VEPH1: variants seen among roughly 807,000 people sequenced by gnomAD.
VEPH1 encodes ventricular zone-expressed PH domain-containing protein homolog 1.
A neutral mutation model predicts 85.2 loss-of-function variants in VEPH1; 80 were observed. The observed-to-expected ratio is 0.94, with a 90% CI of 0.78 to 1.13. VEPH1 has a LOEUF of 1.13. Among genes scored for constraint, VEPH1 ranks in the 50% most tolerant of loss-of-function variants. The pLI is 0.00. For missense variants in VEPH1, 955 were observed against 980.5 expected, an observed-to-expected ratio of 0.97 and a Z score of 0.35; for synonymous variants, 297 against 348.0, an observed-to-expected ratio of 0.85 and a Z score of 1.63.
In VEPH1 at chr3:157,413,863, GA is replaced by G. The variant is rs1227972613; in HGVS notation, c.906+17del. On this transcript the variant is annotated intron_variant, in intron 6 of 13. Coordinates refer to ENST00000362010, the MANE Select transcript of VEPH1 (RefSeq NM_001167912.2). ...CCAGTGCAATTCAGGGGAATGGAGA[GA>G]AAAAAGCCAAACTTACTTCATCCAC... The G allele has an allele frequency of 6.2e-7, 1 of 1,611,204 alleles. No homozygotes were observed. Among genetic ancestry groups the G allele is most frequent in the African/African-American group, 1.3e-5 (1 of 74,792 alleles).
At chr3:157,273,619 T>C (rs1715003797) in intron 12 of VEPH1, among the ~76,000 whole-genome samples, 3 of 152,094 alleles carry the variant, frequency 2.0e-5, no homozygotes, top group Admixed American at 6.6e-5. Context: ...CTGTAACTCA[T>C]TCTGGGAGGG....
intron 6 of VEPH1, among the ~76,000 whole-genome samples, chr3:157,395,737 G>C (rs191262959): frequency 6.6e-6 from 1 of 152,088 alleles, no homozygotes; most frequent in Non-Finnish European, 1.5e-5. Context: ...TTAGGTTTGG[G>C]GGTGCAAGTG....
intron 2 of VEPH1, among the ~76,000 whole-genome samples, chr3:157,472,449 C>A (rs536076642): frequency 4.5e-4 from 68 of 152,244 alleles, no homozygotes; most frequent in African/African-American, 1.6e-3. Flanking sequence ...GCTGTCTTTT[C>A]TGTCTGCCAT....
chr3:157,491,796 A>G (rs976725928), intron 2 of VEPH1, among the ~76,000 whole-genome samples: 3 of 152,322 alleles, frequency 2.0e-5, no homozygotes, highest in East Asian at 3.9e-4. Flanking sequence ...TAAAAAATTT[A>G]AACTTATCTA....
At chr3:157,436,737 T>TC (rs955826409) in intron 4 of VEPH1, 6 of 227,362 alleles carry the variant, frequency 2.6e-5, no homozygotes, top group African/African-American at 1.8e-4. Flanking sequence ...CCCAGCCCCC[T>TC]CCCCCACCAA....
At chr3:157,299,030 C>T (rs2108445184) in intron 11 of VEPH1, among the ~76,000 whole-genome samples, 1 of 152,236 alleles carries the variant, frequency 6.6e-6, no homozygotes, top group East Asian at 1.9e-4. Context: ...GTTAAGTGTG[C>T]ATGACTACTC....
intron 1 of VEPH1, among the ~76,000 whole-genome samples, chr3:157,503,033 C>CT (rs1467574750): frequency 2.6e-5 from 4 of 152,076 alleles, no homozygotes; most frequent in Non-Finnish European, 5.9e-5. Context: ...CTCCTGAGGC[C>CT]TAGAGACATG....
intron 4 of VEPH1, 160 bp downstream of exon 4, chr3:157,460,017 TTAAG>T: frequency 6.4e-7 from 1 of 1,553,640 alleles, no homozygotes; most frequent in Non-Finnish European, 8.7e-7. Flanking sequence ...GACAGCCAGA[TTAAG>T]TAACCTTTTG....
At chr3:157,449,220 A>G (rs1734771356) in intron 4 of VEPH1, among the ~76,000 whole-genome samples, 1 of 152,236 alleles carries the variant, frequency 6.6e-6, no homozygotes, top group African/African-American at 2.4e-5. Context: ...CCTAATAAGT[A>G]TAATTTTAGT....
At chr3:157,405,422 GA>G (rs1418208648) in intron 6 of VEPH1, among the ~76,000 whole-genome samples, 4 of 152,114 alleles carry the variant, frequency 2.6e-5, no homozygotes, top group Non-Finnish European at 5.9e-5. Context: ...TCCGCACTAT[GA>G]AGGGAAATAA....
At chr3:157,500,194 G>A (rs1388161570) in intron 1 of VEPH1, among the ~76,000 whole-genome samples, 2 of 152,182 alleles carry the variant, frequency 1.3e-5, no homozygotes, top group African/African-American at 4.8e-5. Context: ...ACACTCCGAT[G>A]GAGAAAAGGG....
chr3:157,492,387 A>G lies in VEPH1; in HGVS notation c.138+2825T>C, dbSNP rs980088088. Among the ~76,000 whole-genome samples the G allele has an allele frequency of 3.9e-5, 6 of 152,132 alleles. No individual in the cohort carries two copies. The South Asian group carries it at 6.2e-4, about 16-fold the overall frequency. On this transcript the variant is annotated intron_variant, in intron 2 of 13. Transcript: ENST00000362010. ...TTTCCAAGTCTTGTATTTGGATAGCATGATTTGGATAGCATTTCTCAGGTA... is the reference window on the plus strand; with the variant it reads ...TTTCCAAGTCTTGTATTTGGATAGCGTGATTTGGATAGCATTTCTCAGGTA...
chr3:157,262,483 A>G (rs1197176769), intron 13 of VEPH1, among the ~76,000 whole-genome samples: 1 of 152,152 alleles, frequency 6.6e-6, no homozygotes, highest in African/African-American at 2.4e-5. Flanking sequence ...ACTCAGTGAA[A>G]AATGAAATGC....
chr3:157,298,908 T>A (rs1403109), intron 11 of VEPH1, among the ~76,000 whole-genome samples: 68,241 of 152,014 alleles, frequency 0.45, 16,251 homozygotes, highest in Admixed American at 0.59. Flanking sequence ...GATTCTAAAA[T>A]TAAAAGCTGA....
chr3:157,501,418 G>A (rs1740086254), intron 1 of VEPH1, among the ~76,000 whole-genome samples: 2 of 152,100 alleles, frequency 1.3e-5, no homozygotes, highest in African/African-American at 4.8e-5. Context: ...TTTGTGGCTG[G>A]GTAATCCAAA....
chr3:157,427,366 C>T (rs572437613), intron 5 of VEPH1, among the ~76,000 whole-genome samples: 4 of 152,214 alleles, frequency 2.6e-5, no homozygotes, highest in Non-Finnish European at 5.9e-5. Flanking sequence ...GATCCACCAG[C>T]CTCGACCTCC....
chr3:157,324,307 C>A (rs955118465), intron 9 of VEPH1, among the ~76,000 whole-genome samples: 35 of 152,154 alleles, frequency 2.3e-4, no homozygotes, highest in African/African-American at 8.4e-4. Context: ...ATCCGCCCAC[C>A]TCAGCCTCCC....
At chr3:157,425,696 T>C (rs1344023456) in intron 5 of VEPH1, among the ~76,000 whole-genome samples, 1 of 152,216 alleles carries the variant, frequency 6.6e-6, no homozygotes, top group Non-Finnish European at 1.5e-5. Flanking sequence ...TGCCTTGTCT[T>C]AGATAAGATT....
chr3:157,381,452 C>T (rs1326074395), intron 6 of VEPH1, 76 bp from the exon 7 acceptor site: 19 of 1,486,836 alleles, frequency 1.3e-5, no homozygotes. Flanking sequence ...TGCCTGTAAT[C>T]CCAGCACTTT....
Sources: allele counts gnomAD v4.1 joint callset (sites outside exome capture counted in the v4.1 genomes callset), GRCh38; gene constraint gnomAD v4.1.1; transcripts MANE v1.5; gene names NCBI Gene and HGNC (gene_info 2026-07-23, HGNC 2026-07-21).